Variants in CLPB observed in about 807,000 individuals in gnomAD.
The protein encoded by CLPB is mitochondrial disaggregase.
In CLPB, 40 loss-of-function variants were observed where a neutral mutation model predicts 78.4. That is an observed-to-expected ratio of 0.51 (90% CI 0.40 to 0.66). The LOEUF is 0.66. Among genes scored for constraint, CLPB ranks in the 30% least tolerant of loss-of-function variants. The pLI, the probability that CLPB is intolerant of heterozygous loss-of-function variation, is 0.00. For synonymous variants in CLPB, 333 were observed against 348.0 expected, an observed-to-expected ratio of 0.96 and a Z score of 0.48; for missense variants, 780 against 886.9, an observed-to-expected ratio of 0.88 and a Z score of 1.53.
chr11:72,354,386 G>C (rs1361324217), intron 5 of CLPB: 2 of 397,616 alleles, frequency 5.0e-6, no homozygotes, highest in Non-Finnish European at 8.9e-6. Context: ...TTCTCTGGAG[G>C]AACCTTGGTC....
At chr11:72,416,755 A>AAAAAAAAT (rs1565094478) in intron 2 of CLPB, among the ~76,000 whole-genome samples, 1 of 150,438 alleles carries the variant, frequency 6.6e-6, no homozygotes, top group African/African-American at 2.5e-5. Context: ...AAAAAAAAAA[A>AAAAAAAAT]GAAAAAAGAA....
intron 5 of CLPB, among the ~76,000 whole-genome samples, chr11:72,353,931 AT>A (rs112280511): frequency 2.6e-5 from 4 of 151,868 alleles, no homozygotes; most frequent in Admixed American, 6.6e-5. Context: ...TATGGTTAGA[AT>A]TTTTTTTTAA....
At chr11:72,336,317 C>T (rs775999375) in intron 5 of CLPB, among the ~76,000 whole-genome samples, 81 of 152,110 alleles carry the variant, frequency 5.3e-4, no homozygotes, top group Non-Finnish European at 7.8e-4. Context: ...CATGCCCCTC[C>T]CCACCCCCGG....
intron 9 of CLPB, among the ~76,000 whole-genome samples, chr11:72,305,792 C>T (rs1949736370): frequency 1.3e-5 from 2 of 152,258 alleles, no homozygotes; most frequent in Non-Finnish European, 2.9e-5. Context: ...AGCCCCCTCT[C>T]CTTTCTACAT....
intron 2 of CLPB, among the ~76,000 whole-genome samples, chr11:72,407,134 T>G (rs1488234350): frequency 6.6e-6 from 1 of 152,228 alleles, no homozygotes; most frequent in Non-Finnish European, 1.5e-5. Flanking sequence ...CATCCTCTCC[T>G]ATGTCCCCTT....
At chr11:72,329,948 G>A in intron 5 of CLPB, 144 bp from the exon 6 acceptor site, 1 of 607,800 alleles carries the variant, frequency 1.6e-6, no homozygotes, top group Non-Finnish European at 2.9e-6. Context: ...TGGTACTGGG[G>A]CTCCTACATG....
At chr11:72,366,426 C>T (rs932925725) in intron 4 of CLPB, among the ~76,000 whole-genome samples, 1 of 151,984 alleles carries the variant, frequency 6.6e-6, no homozygotes, top group Non-Finnish European at 1.5e-5. Flanking sequence ...CAGGGTTTCA[C>T]CATGTTGGCC....
At chr11:72,361,563 G>A (rs1170836613) in intron 4 of CLPB, among the ~76,000 whole-genome samples, 1 of 152,158 alleles carries the variant, frequency 6.6e-6, no homozygotes, top group African/African-American at 2.4e-5. Context: ...GGCCAGGCAG[G>A]CAGGGAAAAG....
At chr11:72,391,349 T>C (rs1304184542) in intron 3 of CLPB, among the ~76,000 whole-genome samples, 1 of 152,196 alleles carries the variant, frequency 6.6e-6, no homozygotes, top group Non-Finnish European at 1.5e-5. Context: ...GTCCATGCTC[T>C]TTCTCTTTGT....
At chr11:72,311,792 C>T (rs574062231) in intron 7 of CLPB, among the ~76,000 whole-genome samples, 1 of 152,378 alleles carries the variant, frequency 6.6e-6, no homozygotes, top group South Asian at 2.1e-4. Context: ...GCACAGGCAG[C>T]CTGGCTCCCT....
rs1226380671 is a variant in CLPB at position 72,358,978 on chromosome 11, T to C, written c.677A>G (p.Asn226Ser). ...GAAACTGGCGCGGTTGTTCAGCCTG[T>C]TGTTGAAGTCATCCTCTCGGGTGAT... The part of the protein sequence containing the change: ...VLITREDDFN[N>S]RLNNRASFKG... Residue 226 changes from asparagine (N) to serine (S), a missense_variant, in exon 5 of 16, where the codon AAC (asparagine) becomes AGC (serine). Asn to Ser is a conservative substitution (Grantham distance 46). Transcript: ENST00000538039. The C allele has an allele frequency of 1.9e-6, 3 of 1,613,614 alleles. No individual in the cohort carries two copies. The highest frequency in any genetic ancestry group is 1.7e-6 in the Non-Finnish European group (2 of 1,179,954).
At chr11:72,298,145 C>T (rs1001038053) in intron 11 of CLPB, among the ~76,000 whole-genome samples, 1 of 152,118 alleles carries the variant, frequency 6.6e-6, no homozygotes, top group African/African-American at 2.4e-5. Context: ...TAGTCTCTTT[C>T]TGGGACTTCT....
intron 12 of CLPB, among the ~76,000 whole-genome samples, chr11:72,294,906 G>C (rs1429330736): frequency 6.6e-6 from 1 of 151,952 alleles, no homozygotes; most frequent in Non-Finnish European, 1.5e-5. Context: ...TGAAGTCTGC[G>C]ATTCCTCAGG....
chr11:72,333,601 C>T (rs541192219), intron 5 of CLPB, among the ~76,000 whole-genome samples: 1 of 152,254 alleles, frequency 6.6e-6, no homozygotes, highest in South Asian at 2.1e-4. Flanking sequence ...ACCTAGAGTT[C>T]GAGTCCAGCA....
intron 11 of CLPB, among the ~76,000 whole-genome samples, chr11:72,299,895 G>A (rs1273748802): frequency 1.3e-5 from 2 of 152,182 alleles, no homozygotes; most frequent in East Asian, 1.9e-4. Flanking sequence ...GGAGGAGGGG[G>A]AGACAGGGCT....
chr11:72,391,485 C>T (rs1350237510), intron 3 of CLPB, among the ~76,000 whole-genome samples: 2 of 152,188 alleles, frequency 1.3e-5, no homozygotes, highest in African/African-American at 4.8e-5. Context: ...ACCTTATTTC[C>T]CAGCTCCCTG....
chr11:72,391,863 G>A (rs1304032438), intron 3 of CLPB, among the ~76,000 whole-genome samples: 1 of 152,172 alleles, frequency 6.6e-6, no homozygotes, highest in Non-Finnish European at 1.5e-5. Flanking sequence ...GATTAAAAGT[G>A]GAAGCACATG....
chr11:72,364,228 T>C (rs1301526551), intron 4 of CLPB, among the ~76,000 whole-genome samples: 2 of 152,182 alleles, frequency 1.3e-5, no homozygotes, highest in Non-Finnish European at 2.9e-5. Flanking sequence ...AGTCTCACTC[T>C]TGATGCCCAG....
intron 11 of CLPB, 88 bp from the exon 12 acceptor site, chr11:72,295,736 G>GTGAGAA: frequency 7.4e-7 from 1 of 1,343,930 alleles, no homozygotes; most frequent in Non-Finnish European, 1.0e-6. Flanking sequence ...CCTTCAGGAG[G>GTGAGAA]CCTCCCCAGA....
Sources: gnomAD v4.1 joint callset for allele counts (sites outside exome capture counted in the v4.1 genomes callset) on GRCh38, gnomAD v4.1.1 for gene constraint, MANE v1.5 for transcripts, NCBI Gene and HGNC (gene_info 2026-07-23, HGNC 2026-07-21) for gene names.